Variants in LOC400499 observed in about 807,000 individuals in gnomAD.
chr16:11,442,126 C>A, the LOC400499 span: 1 of 152,158 alleles, frequency 6.6e-6, no homozygotes, highest in African/African-American at 2.4e-5. Flanking sequence ...TTAAAGGGTG[C>A]TCGGCTTTAC....
At chr16:11,517,397 A>C in the LOC400499 span, among the ~76,000 whole-genome samples, 11 of 152,192 alleles carry the variant, frequency 7.2e-5, no homozygotes, top group African/African-American at 2.7e-4. Flanking sequence ...TTCTAGACAC[A>C]GCTATTGAAC....
chr16:11,419,039 G>A, the LOC400499 span, among the ~76,000 whole-genome samples: 1 of 152,104 alleles, frequency 6.6e-6, no homozygotes, highest in South Asian at 2.1e-4. Flanking sequence ...AGTAGTGGGT[G>A]TCTATAATCC....
chr16:11,387,452 A>G, the LOC400499 span, among the ~76,000 whole-genome samples: 1 of 152,106 alleles, frequency 6.6e-6, no homozygotes, highest in African/African-American at 2.4e-5. Flanking sequence ...AAATCCCATC[A>G]TGAGGTGGAG....
the LOC400499 span, chr16:11,402,122 C>A: frequency 5.0e-6 from 2 of 398,926 alleles, no homozygotes; most frequent in Admixed American, 4.4e-5. Context: ...GCTGCAGTGT[C>A]GCGGCAGGGG....
chr16:11,417,642 C>A, the LOC400499 span: 1 of 399,126 alleles, frequency 2.5e-6, no homozygotes, highest in African/African-American at 2.1e-5. Context: ...CGTGTATCTG[C>A]AGCTCAGCAC....
the LOC400499 span, chr16:11,431,115 G>A: frequency 2.5e-6 from 1 of 399,140 alleles, no homozygotes; most frequent in Admixed American, 4.4e-5. Flanking sequence ...CAGCCACCGT[G>A]TGCCGGGTTT....
At chr16:11,383,270 T>G in the LOC400499 span, among the ~76,000 whole-genome samples, 12 of 152,230 alleles carry the variant, frequency 7.9e-5, no homozygotes, top group African/African-American at 2.9e-4. Flanking sequence ...GGTTTCACCG[T>G]GTTAGCCAGG....
chr16:11,393,833 T>C, the LOC400499 span, among the ~76,000 whole-genome samples: 2 of 152,194 alleles, frequency 1.3e-5, no homozygotes, highest in Non-Finnish European at 2.9e-5. Flanking sequence ...ATCCCAGCAC[T>C]TCAGGAGGCC....
chr16:11,521,822 C>T, the LOC400499 span: 1 of 396,676 alleles, frequency 2.5e-6, no homozygotes, highest in Non-Finnish European at 4.4e-6. Context: ...TCCTCACTTG[C>T]CAAATATAAG....
the LOC400499 span, among the ~76,000 whole-genome samples, chr16:11,393,731 C>T: frequency 4.7e-4 from 72 of 152,312 alleles, no homozygotes; most frequent in African/African-American, 1.6e-3. Flanking sequence ...CCAGGTTCCC[C>T]ACGCCATATC....
At chr16:11,439,276 A>T in the LOC400499 span, among the ~76,000 whole-genome samples, 2 of 152,150 alleles carry the variant, frequency 1.3e-5, no homozygotes, top group Non-Finnish European at 2.9e-5. Flanking sequence ...TTCAGCCTGG[A>T]CCATCACTTC....
the LOC400499 span, among the ~76,000 whole-genome samples, chr16:11,500,475 C>T: frequency 6.7e-6 from 1 of 150,084 alleles, no homozygotes; most frequent in Admixed American, 6.7e-5. Context: ...CGCACTGCTG[C>T]ACTCCAGCTT....
chr16:11,378,291 T>A, the LOC400499 span, among the ~76,000 whole-genome samples: 1 of 132,444 alleles, frequency 7.6e-6, no homozygotes, highest in Non-Finnish European at 1.6e-5. Flanking sequence ...GGAGGTGGAG[T>A]CTAGCTGTGT....
the LOC400499 span, among the ~76,000 whole-genome samples, chr16:11,487,842 A>G: frequency 6.6e-6 from 1 of 152,200 alleles, no homozygotes; most frequent in Admixed American, 6.5e-5. Context: ...TCCGCCAGGC[A>G]CAGTGGCTCA....
At chr16:11,415,963 T>C in the LOC400499 span, among the ~76,000 whole-genome samples, 1 of 20,050 alleles carries the variant, frequency 5.0e-5, no homozygotes, top group Admixed American at 2.7e-4. Flanking sequence ...TTGTTTTGTT[T>C]TTTTTTTTTT....
the LOC400499 span, among the ~76,000 whole-genome samples, chr16:11,434,405 C>T: frequency 2.0e-4 from 30 of 151,930 alleles, no homozygotes; most frequent in Non-Finnish European, 4.1e-4. Flanking sequence ...GCCTGTGATT[C>T]CAGCTACTAG....
chr16:11,388,114 A>AT, the LOC400499 span, among the ~76,000 whole-genome samples: 7 of 152,080 alleles, frequency 4.6e-5, no homozygotes, highest in Non-Finnish European at 8.8e-5. Context: ...AGGTGGCCTC[A>AT]CTTGCTTACT....
the LOC400499 span, chr16:11,385,152 T>G: frequency 8.1e-7 from 1 of 1,230,392 alleles, no homozygotes; most frequent in Non-Finnish European, 1.0e-6. Flanking sequence ...CGACCTGCCA[T>G]GGGCACAGGT....
the LOC400499 span, among the ~76,000 whole-genome samples, chr16:11,412,427 C>G: frequency 2.0e-5 from 3 of 152,222 alleles, no homozygotes; most frequent in Non-Finnish European, 4.4e-5. Flanking sequence ...TAGGTGAGAA[C>G]CACTGGTCTA....
Sources: gnomAD v4.1 joint callset for allele counts (sites outside exome capture counted in the v4.1 genomes callset) on GRCh38, gnomAD v4.1.1 for gene constraint, MANE v1.5 for transcripts.